Variants in PTPRO observed in about 807,000 individuals in gnomAD.
The protein encoded by PTPRO is receptor-type tyrosine-protein phosphatase O.
In PTPRO, 62 loss-of-function variants were observed where a neutral mutation model predicts 145.2. The ratio of observed to expected loss-of-function variants is 0.43; its 90% CI spans 0.35 to 0.53. The LOEUF (loss-of-function observed/expected upper bound fraction) is 0.53. Among genes scored for constraint, PTPRO ranks in the 20% least tolerant of loss-of-function variants. The probability of loss-of-function intolerance (pLI) is 0.01; values close to 1 mark genes in which losing one functional copy is unlikely to be tolerated. For missense variants in PTPRO, 1,345 were observed against 1,482.7 expected, an observed-to-expected ratio of 0.91 and a Z score of 1.53; for synonymous variants, 565 against 514.7, an observed-to-expected ratio of 1.10 and a Z score of -1.32.
intron 2 of PTPRO, among the ~76,000 whole-genome samples, chr12:15,491,653 A>G (rs989112430): frequency 1.3e-5 from 2 of 152,228 alleles, no homozygotes; most frequent in Non-Finnish European, 2.9e-5. Flanking sequence ...TTGTCAAAAT[A>G]TGCAGTCCAT....
At chr12:15,373,696 A>G (rs1938597903) in intron 1 of PTPRO, among the ~76,000 whole-genome samples, 1 of 152,238 alleles carries the variant, frequency 6.6e-6, no homozygotes, top group South Asian at 2.1e-4. Context: ...TATATAACAT[A>G]GAAATTGACA....
intron 1 of PTPRO, among the ~76,000 whole-genome samples, chr12:15,432,604 A>C (rs1325086571): frequency 1.3e-5 from 2 of 152,172 alleles, no homozygotes; most frequent in African/African-American, 2.4e-5. Context: ...GATTGAATTA[A>C]TTTACACCCC....
intron 11 of PTPRO, among the ~76,000 whole-genome samples, chr12:15,525,495 G>A (rs1281329274): frequency 6.6e-6 from 1 of 152,216 alleles, no homozygotes; most frequent in Non-Finnish European, 1.5e-5. Context: ...GTCACCCAGG[G>A]AGGCAAATTC....
intron 2 of PTPRO, among the ~76,000 whole-genome samples, chr12:15,489,091 A>T (rs1941948554): frequency 6.6e-6 from 1 of 152,190 alleles, no homozygotes; most frequent in African/African-American, 2.4e-5. Flanking sequence ...GTTATCAGGT[A>T]CATTCTCTGT....
chr12:15,328,678 T>C (rs1189457773), intron 1 of PTPRO, among the ~76,000 whole-genome samples: 1 of 152,148 alleles, frequency 6.6e-6, no homozygotes, highest in Non-Finnish European at 1.5e-5. Context: ...GAGAATGAAA[T>C]GAAGAACATT....
chr12:15,394,707 A>C (rs1214928426), intron 1 of PTPRO, among the ~76,000 whole-genome samples: 10 of 152,122 alleles, frequency 6.6e-5, no homozygotes, highest in Non-Finnish European at 1.3e-4. Flanking sequence ...GATTAAGGAG[A>C]TTTTACTTGG....
intron 1 of PTPRO, among the ~76,000 whole-genome samples, chr12:15,396,292 G>A (rs1048080623): frequency 6.6e-6 from 1 of 152,146 alleles, no homozygotes; most frequent in Non-Finnish European, 1.5e-5. Flanking sequence ...TTAGTGACAA[G>A]TGCTGAACTC....
At chr12:15,391,732 G>C (rs775750281) in intron 1 of PTPRO, among the ~76,000 whole-genome samples, 12 of 152,166 alleles carry the variant, frequency 7.9e-5, no homozygotes. Flanking sequence ...ACAGAGTAAA[G>C]GTTCCACTTT....
At position 15,546,622 on chromosome 12, in the gene PTPRO, A is replaced by T. The variant is rs2135549397; in HGVS notation, c.2218A>T (p.Thr740Ser). The change falls in exon 13 of 27, where the codon ACT becomes TCT. Residue 740 changes from threonine to serine, a missense_variant. This residue lies in a region of PTPRO where 1,130 missense variants were observed against 1,214.7 expected (regional missense o/e 0.93). Transcript: ENST00000281171. ...AGTGAACAAAACCCAGACTTCAGTG[A>T]CTTTGCTGTGGGTGGAAGAGGGAGT... ...FAVNKTQTSV[T>S]LLWVEEGVAD... 2.5e-6 allele frequency: 4 copies of T among 1,613,684 alleles called. No individual in the cohort carries two copies. The East Asian group carries it at 6.7e-5, about 27-fold the overall frequency.
intron 1 of PTPRO, among the ~76,000 whole-genome samples, chr12:15,424,062 G>A (rs1163975078): frequency 2.6e-5 from 4 of 152,196 alleles, no homozygotes; most frequent in South Asian, 2.1e-4. Context: ...TTGCTGGACA[G>A]CATTTCCAAT....
intron 1 of PTPRO, among the ~76,000 whole-genome samples, chr12:15,476,753 C>CAAA (rs1042823466): frequency 6.6e-6 from 1 of 151,680 alleles, no homozygotes; most frequent in African/African-American, 2.4e-5. Flanking sequence ...TGAAAAAATG[C>CAAA]TCATCATCAC....
intron 1 of PTPRO, among the ~76,000 whole-genome samples, chr12:15,415,576 G>C (rs183847476): frequency 0.013 from 1,926 of 149,296 alleles, 23 homozygotes; most frequent in Non-Finnish European, 0.019. Context: ...AGTAGAGACG[G>C]GGTTTCACTC....
rs375904632 is a variant in PTPRO at position 15,555,527 on chromosome 12, C to T, written c.2559-1928C>T. Among the ~76,000 whole-genome samples, 9 of 152,206 alleles carry T rather than the reference C, an allele frequency of 5.9e-5. No individual in the cohort carries two copies. The East Asian group carries it at 1.5e-3, about 26-fold the overall frequency. On this transcript the variant is annotated intron_variant, in intron 15 of 26. Transcript: ENST00000281171. ...ATTAGTGGATACTTAGGAGCATTAA[C>T]GCAGTAATAACATAGCGTAATACTC... is the stretch of plus-strand genomic sequence containing the variant.
chr12:15,489,190 C>G (rs1411731152), intron 2 of PTPRO, among the ~76,000 whole-genome samples: 2 of 152,008 alleles, frequency 1.3e-5, no homozygotes, highest in Non-Finnish European at 2.9e-5. Flanking sequence ...CAAATAAAAA[C>G]CATTACAAAT....
chr12:15,508,160 C>T (rs1242093120), intron 6 of PTPRO, among the ~76,000 whole-genome samples: 8 of 152,200 alleles, frequency 5.3e-5, no homozygotes, highest in African/African-American at 1.7e-4. Context: ...GGGTAGTAGT[C>T]GAGGCTGATT....
intron 15 of PTPRO, among the ~76,000 whole-genome samples, chr12:15,555,740 A>G (rs1943604072): frequency 6.6e-6 from 1 of 152,194 alleles, no homozygotes; most frequent in South Asian, 2.1e-4. Flanking sequence ...TTTTCATGCT[A>G]TGATCCTTTT....
At chr12:15,569,623 T>C (rs148935063) in intron 19 of PTPRO, 125 bp downstream of exon 19, 7,950 of 794,320 alleles carry the variant, frequency 0.01, 274 homozygotes, top group Admixed American at 0.098. Context: ...GCCTGGGGAT[T>C]GCTGATCTGC....
intron 22 of PTPRO, among the ~76,000 whole-genome samples, chr12:15,581,371 G>A (rs1355607608): frequency 7.1e-6 from 1 of 141,712 alleles, no homozygotes; most frequent in African/African-American, 2.6e-5. Flanking sequence ...CACGATCTCA[G>A]CTCACTGCAA....
chr12:15,377,792 A>T (rs1938731646), intron 1 of PTPRO, among the ~76,000 whole-genome samples: 1 of 152,120 alleles, frequency 6.6e-6, no homozygotes. Context: ...CATACAAAAT[A>T]TGTTCTCTGA....
Sources: allele counts gnomAD v4.1 joint callset (sites outside exome capture counted in the v4.1 genomes callset), GRCh38; gene constraint gnomAD v4.1.1; regional missense constraint gnomAD v4.1.1; transcripts MANE v1.5; gene names NCBI Gene and HGNC (gene_info 2026-07-23, HGNC 2026-07-21).